PATJ: variants seen among roughly 807,000 people sequenced by gnomAD.
The protein encoded by PATJ is PATJ crumbs cell polarity complex component.
A neutral mutation model predicts 224.9 loss-of-function variants in PATJ; 190 were observed. That is an observed-to-expected ratio of 0.84 (90% CI 0.75 to 0.95). The LOEUF (loss-of-function observed/expected upper bound fraction) is 0.95, where lower values mean the gene tolerates loss of function less well. PATJ is among the 40% of genes least tolerant of loss of function. PATJ has a pLI of 0.00. For missense variants in PATJ, 2,121 were observed against 2,270.3 expected, an observed-to-expected ratio of 0.93 and a Z score of 1.34; for synonymous variants, 769 against 820.3, an observed-to-expected ratio of 0.94 and a Z score of 1.07.
chr1:62,017,857 T>A lies in PATJ; in HGVS notation c.3869T>A (p.Ile1290Lys), dbSNP rs753564473. The A allele has an allele frequency of 6.3e-7, 1 of 1,586,660 alleles. No individual in the cohort carries two copies. Among genetic ancestry groups the A allele is most frequent in the Non-Finnish European group, 8.7e-7 (1 of 1,155,688 alleles). ...RMRIGDELLE[I>K]NNQILYGRSH... ...TACATTGTGGTTTTTCCCAAACAGATAAACAATCAGATTCTGTATGGAAGA... is the reference window on the plus strand; with the variant it reads ...TACATTGTGGTTTTTCCCAAACAGAAAAACAATCAGATTCTGTATGGAAGA... Residue 1290 changes from isoleucine to lysine, a missense_variant and splice_region_variant, in exon 29 of 44, where the codon ATA becomes AAA. Ile to Lys is a moderately radical substitution (Grantham distance 102, BLOSUM62 -3). Coordinates refer to ENST00000642238, the MANE Select transcript of PATJ (RefSeq NM_001350145.3).
At chr1:62,032,273 C>G (rs930820533) in intron 29 of PATJ, among the ~76,000 whole-genome samples, 1 of 152,164 alleles carries the variant, frequency 6.6e-6, no homozygotes, top group Non-Finnish European at 1.5e-5. Flanking sequence ...GAAGCCCCCT[C>G]CATCCTGAAG....
chr1:62,070,170 A>C (rs1174191363), intron 31 of PATJ, among the ~76,000 whole-genome samples: 1 of 152,250 alleles, frequency 6.6e-6, no homozygotes, highest in Non-Finnish European at 1.5e-5. Flanking sequence ...AAACAGAGGC[A>C]CTTACTTTTG....
chr1:62,012,088 C>T (rs781130086), intron 28 of PATJ, among the ~76,000 whole-genome samples: 1 of 151,906 alleles, frequency 6.6e-6, no homozygotes, highest in Non-Finnish European at 1.5e-5. Flanking sequence ...GGCATTTCCC[C>T]CATGTGTTGT....
intron 9 of PATJ, among the ~76,000 whole-genome samples, chr1:61,792,352 AC>A (rs1005577694): frequency 3.9e-5 from 6 of 152,202 alleles, no homozygotes; most frequent in African/African-American, 1.4e-4. Context: ...GTTGCAAAAA[AC>A]CACATCAAGT....
intron 17 of PATJ, among the ~76,000 whole-genome samples, chr1:61,835,393 T>C (rs895224948): frequency 2.0e-5 from 3 of 152,018 alleles, no homozygotes; most frequent in Non-Finnish European, 4.4e-5. Context: ...CTGACCTTTT[T>C]GTTTGTTTGT....
At chr1:61,957,727 A>C (rs1369092235) in intron 27 of PATJ, among the ~76,000 whole-genome samples, 1 of 152,196 alleles carries the variant, frequency 6.6e-6, no homozygotes, top group East Asian at 1.9e-4. Context: ...CCAGAGTTGA[A>C]TAATTGCAGC....
intron 20 of PATJ, 131 bp downstream of exon 20, chr1:61,864,764 A>G: frequency 2.8e-6 from 2 of 720,324 alleles, no homozygotes; most frequent in Non-Finnish European, 4.4e-6. Flanking sequence ...TGTTTACAAG[A>G]TGTGTCATCC....
intron 27 of PATJ, among the ~76,000 whole-genome samples, chr1:61,940,973 T>C (rs571982960): frequency 6.6e-6 from 1 of 152,220 alleles, no homozygotes; most frequent in Non-Finnish European, 1.5e-5. Context: ...CATTTTGGAG[T>C]ACTTCACTTT....
intron 30 of PATJ, among the ~76,000 whole-genome samples, chr1:62,050,168 T>G (rs1158429225): frequency 1.4e-5 from 2 of 147,904 alleles, no homozygotes; most frequent in African/African-American, 4.9e-5. Flanking sequence ...AGAAACATTT[T>G]TTATTAAATA....
intron 20 of PATJ, among the ~76,000 whole-genome samples, chr1:61,871,629 C>T (rs1465507920): frequency 2.2e-5 from 3 of 133,892 alleles, no homozygotes; most frequent in Non-Finnish European, 4.7e-5. Flanking sequence ...GTGGTGTGAT[C>T]TCGGCTCACT....
intron 41 of PATJ, among the ~76,000 whole-genome samples, chr1:62,146,389 G>T (rs1253439189): frequency 6.6e-6 from 1 of 152,154 alleles, no homozygotes; most frequent in Non-Finnish European, 1.5e-5. Context: ...GGAATAATCT[G>T]CTCCATTGTA....
intron 37 of PATJ, among the ~76,000 whole-genome samples, chr1:62,119,554 G>A (rs891027835): frequency 6.6e-6 from 1 of 152,146 alleles, no homozygotes; most frequent in African/African-American, 2.4e-5. Flanking sequence ...CCCCAAACCA[G>A]GAAGAAATTT....
intron 27 of PATJ, among the ~76,000 whole-genome samples, chr1:61,987,191 T>A (rs1260759425): frequency 2.0e-5 from 3 of 152,126 alleles, no homozygotes; most frequent in Admixed American, 2.0e-4. Context: ...TTTTTTTGTT[T>A]TATTGCACTA....
chr1:62,008,918 G>A (rs1483803143), intron 28 of PATJ, among the ~76,000 whole-genome samples: 1 of 152,080 alleles, frequency 6.6e-6, no homozygotes, highest in Non-Finnish European at 1.5e-5. Flanking sequence ...CAGGAATAAA[G>A]ATAGTTCTTC....
At chr1:62,085,346 C>T (rs940712253) in intron 33 of PATJ, among the ~76,000 whole-genome samples, 1 of 151,188 alleles carries the variant, frequency 6.6e-6, no homozygotes, top group Non-Finnish European at 1.5e-5. Context: ...AGAGCAAGAC[C>T]TTGTCTTAAA....
Position 62,102,859 on chromosome 1 carries a change from C to CAAA in PATJ, c.4378-5554_4378-5552dup, listed in dbSNP as rs1162014751. Reference sequence around the variant, plus strand: ...TGGGCAACAGAGCAATACCCTGTCTCAAAAAAAAAAAAAAAAAAAAAAAAA... The same window carrying CAAA: ...TGGGCAACAGAGCAATACCCTGTCTCAAAAAAAAAAAAAAAAAAAAAAAAAAAA... On this transcript the variant is annotated intron_variant, in intron 33 of 43. Coordinates refer to ENST00000642238, the MANE Select transcript of PATJ (RefSeq NM_001350145.3). Among the ~76,000 whole-genome samples, 222 of 47,016 alleles carry CAAA rather than the reference C, an allele frequency of 4.7e-3. 3 individuals are homozygous for CAAA. Among genetic ancestry groups the CAAA allele is most frequent in the African/African-American group, 0.015 (215 of 14,206 alleles). The allele number at this position is 47,016 out of a possible 152,430, so 30.8% of individuals were successfully genotyped here.
In PATJ at chr1:62,116,610, T is replaced by A. The variant is rs1664471822; in HGVS notation, c.4734T>A (p.Asp1578Glu). Residue 1578 changes from aspartate to glutamate, a missense_variant, in exon 36 of 44, where the codon GAT becomes GAA. By Grantham distance (45) the Asp-to-Glu change is conservative. Transcript: ENST00000642238. The stretch of plus-strand genomic sequence containing the variant: ...TGGATGGGAGATTGATTCAGGGAGA[T>A]CAGATCTTATCTGTGAATGGGGAGG... ...ADLDGRLIQG[D>E]QILSVNGEDM... 1 of 1,613,888 alleles carries A rather than the reference T, an allele frequency of 6.2e-7. No homozygotes were observed. Among genetic ancestry groups the A allele is most frequent in the Admixed American group, 1.7e-5 (1 of 59,998 alleles).
At chr1:61,758,320 G>T (rs1645766773) in intron 1 of PATJ, among the ~76,000 whole-genome samples, 1 of 152,078 alleles carries the variant, frequency 6.6e-6, no homozygotes, top group African/African-American at 2.4e-5. Flanking sequence ...ACTTCTACAT[G>T]TATTTATGAT....
chr1:62,034,428 G>C (rs892727744), intron 29 of PATJ, among the ~76,000 whole-genome samples: 2 of 126,166 alleles, frequency 1.6e-5, no homozygotes, highest in Admixed American at 1.8e-4. Flanking sequence ...GGGCGAGAGA[G>C]AGAGACTCTG....
Sources: gnomAD v4.1 joint callset for allele counts (sites outside exome capture counted in the v4.1 genomes callset) on GRCh38, gnomAD v4.1.1 for gene constraint, MANE v1.5 for transcripts, NCBI Gene and HGNC (gene_info 2026-07-23, HGNC 2026-07-21) for gene names.